Variants in ADCY9 observed in about 807,000 individuals in gnomAD.
ADCY9 encodes the protein adenylate cyclase type 9.
Under a neutral mutation model 101.5 loss-of-function variants are expected in ADCY9, and 50 were observed. The observed-to-expected ratio is 0.49, with a 90% CI of 0.39 to 0.62. The LOEUF (loss-of-function observed/expected upper bound fraction) is 0.62. ADCY9 is among the 20% of genes least tolerant of loss of function. The pLI is 0.00. For synonymous variants in ADCY9, 905 were observed against 769.3 expected (o/e 1.18, Z -2.92); for missense variants, 1,662 against 1,800.4 (o/e 0.92, Z 1.39).
At chr16:3,983,131 C>T (rs149563165) in intron 7 of ADCY9, 101 bp downstream of exon 7, 2 of 1,133,940 alleles carry the variant, frequency 1.8e-6, no homozygotes, top group Non-Finnish European at 2.4e-6. Flanking sequence ...CCAGCAGGGA[C>T]AGCTGGCTGG....
chr16:3,958,117 G>T (rs2055917554), downstream of ADCY9, among the ~76,000 whole-genome samples: 1 of 152,208 alleles, frequency 6.6e-6, no homozygotes, highest in African/African-American at 2.4e-5. Context: ...TCAAAGAGCA[G>T]CGGGGGCTCT....
At chr16:4,075,372 C>A (rs2056860505) in intron 2 of ADCY9, among the ~76,000 whole-genome samples, 1 of 152,210 alleles carries the variant, frequency 6.6e-6, no homozygotes, top group African/African-American at 2.4e-5. Context: ...CTCCTGACCT[C>A]TGGTGATCTG....
At chr16:4,051,402 T>C (rs972510779) in intron 2 of ADCY9, among the ~76,000 whole-genome samples, 34 of 151,812 alleles carry the variant, frequency 2.2e-4, no homozygotes, top group Non-Finnish European at 4.7e-4. Context: ...CGGGCGCCTG[T>C]AGTCCCAGCT....
At chr16:4,072,844 CAT>C (rs2056842917) in intron 2 of ADCY9, among the ~76,000 whole-genome samples, 1 of 151,844 alleles carries the variant, frequency 6.6e-6, no homozygotes, top group Non-Finnish European at 1.5e-5. Context: ...AATTGGGAAA[CAT>C]ATTACATTCA....
At chr16:4,001,686 C>T (rs9932121) in intron 3 of ADCY9, among the ~76,000 whole-genome samples, 1 of 151,858 alleles carries the variant, frequency 6.6e-6, no homozygotes, top group East Asian at 1.9e-4. Context: ...GTAGCTGGGA[C>T]TACAGGTGGA....
rs758419751 is a variant in ADCY9 at position 4,115,113 on chromosome 16, C to A, written c.330G>T (p.Pro110=). The A allele has an allele frequency of 4.3e-6, 7 of 1,613,822 alleles. No homozygotes were observed. The highest frequency in any genetic ancestry group is 5.1e-6 in the Non-Finnish European group (6 of 1,180,034). Residue 110 remains proline, a synonymous_variant, in exon 2 of 11, where the codon CCG becomes CCT. Transcript: ENST00000294016. The surrounding 1 kb of genome is among the most constrained non-coding windows in gnomAD (Gnocchi z 6.2). ...CATACCGGAACCGGCGCTGGGTCTG[C>A]GGGAAGCAGCGCTCCAGGCAGGCCT... ...LEEACLERCF[P]QTQRRFRYAL...
intron 2 of ADCY9, among the ~76,000 whole-genome samples, chr16:4,083,375 C>T (rs1027145686): frequency 6.6e-6 from 1 of 151,962 alleles, no homozygotes; most frequent in African/African-American, 2.4e-5. Context: ...TTTATGGAGA[C>T]GTGGGGAAAT....
downstream of ADCY9, among the ~76,000 whole-genome samples, chr16:3,958,869 T>C (rs987643306): frequency 6.7e-6 from 1 of 150,010 alleles, no homozygotes; most frequent in African/African-American, 2.4e-5. Flanking sequence ...AGAGACAGGG[T>C]TTCACCATGT....
At chr16:3,971,743 C>T (rs888950733) in intron 10 of ADCY9, among the ~76,000 whole-genome samples, 2 of 151,948 alleles carry the variant, frequency 1.3e-5, no homozygotes, top group Admixed American at 6.6e-5. Context: ...AAGAACAGTC[C>T]CCTTTAGGAG....
rs542817426 is a variant in ADCY9 at position 3,989,934 on chromosome 16, T to G, written c.2208-838A>C. On this transcript the variant is annotated intron_variant, in intron 5 of 10. Coordinates refer to ENST00000294016, the MANE Select transcript of ADCY9 (RefSeq NM_001116.4). ...ATAGTTAGCGTAATTTTGGTGCTATTGTCACATATGCAGATTGCATGTGAA... is the reference window on the plus strand; with the variant it reads ...ATAGTTAGCGTAATTTTGGTGCTATGGTCACATATGCAGATTGCATGTGAA... Among the ~76,000 whole-genome samples, 4 of 152,360 alleles carry G rather than the reference T, an allele frequency of 2.6e-5. No individual in the cohort carries two copies. In the East Asian group the frequency reaches 7.7e-4, roughly 29 times the overall value.
At chr16:4,090,426 C>T (rs933606495) in intron 2 of ADCY9, among the ~76,000 whole-genome samples, 1 of 152,082 alleles carries the variant, frequency 6.6e-6, no homozygotes, top group Non-Finnish European at 1.5e-5. Flanking sequence ...TAAAAATGAA[C>T]TATGAACTGA....
At chr16:4,006,495 G>A (rs1042453392) in intron 3 of ADCY9, among the ~76,000 whole-genome samples, 39 of 152,236 alleles carry the variant, frequency 2.6e-4, no homozygotes, top group African/African-American at 9.1e-4. Flanking sequence ...TACCAATAGC[G>A]GCTTTCAAAC....
At chr16:4,091,456 G>A (rs1186394014) in intron 2 of ADCY9, among the ~76,000 whole-genome samples, 1 of 152,140 alleles carries the variant, frequency 6.6e-6, no homozygotes, top group South Asian at 2.1e-4. Flanking sequence ...CCATGCCCAG[G>A]TATGTGCCCC....
chr16:4,070,536 C>T (rs1333953157), intron 2 of ADCY9, among the ~76,000 whole-genome samples: 1 of 152,166 alleles, frequency 6.6e-6, no homozygotes, highest in Non-Finnish European at 1.5e-5. Flanking sequence ...TTAAAACTGG[C>T]TGGGCCTGGT....
chr16:3,977,972 C>T (rs945282065), intron 8 of ADCY9, among the ~76,000 whole-genome samples: 7 of 152,198 alleles, frequency 4.6e-5, no homozygotes, highest in Admixed American at 4.6e-4. Flanking sequence ...CTGCCTCGGC[C>T]TCTCAAAGTG....
At position 3,993,582 on chromosome 16, in the gene ADCY9, G is replaced by A. The variant is rs138855250; in HGVS notation, c.1885-72C>T. On this transcript the variant is annotated intron_variant, in intron 3 of 10. Transcript: ENST00000294016. Reference sequence around the variant, plus strand: ...TGCCACCCTGAATTCAGGCAGGTCCGCTGTTGCCATCTGCCGTCACGCAGC... The same window carrying A: ...TGCCACCCTGAATTCAGGCAGGTCCACTGTTGCCATCTGCCGTCACGCAGC... 4.8e-3 allele frequency: 7,587 copies of A among 1,570,386 alleles called. 28 individuals are homozygous for A. The highest frequency in any genetic ancestry group is 5.8e-3 in the Non-Finnish European group (6,639 of 1,145,290).
downstream of ADCY9, among the ~76,000 whole-genome samples, chr16:3,958,759 C>T (rs1013249951): frequency 8.1e-5 from 12 of 147,628 alleles, no homozygotes; most frequent in African/African-American, 2.5e-4. Flanking sequence ...GCAACCTCTG[C>T]CTCCTGGGTT....
In ADCY9 at chr16:3,965,834, C is replaced by T. The variant is rs374081146; in HGVS notation, c.4003G>A (p.Glu1335Lys). Reference sequence around the variant, plus strand: ...TCGTTGGCTTCTTCTATTCCTGTTTCGTCACAGTCGTCTTTCTCTATGGCT... The same window carrying T: ...TCGTTGGCTTCTTCTATTCCTGTTTTGTCACAGTCGTCTTTCTCTATGGCT... ...GKAIEKDDCD[E>K]TGIEEANELT... Residue 1335 changes from glutamate (E) to lysine (K), a missense_variant, in exon 11 of 11, where the codon GAA (glutamate) becomes AAA (lysine). Physicochemically the swap from Glu to Lys is moderately conservative, Grantham distance 56. This residue lies in a region of ADCY9 where 168 missense variants were observed against 155.3 expected (regional missense o/e 1.08). Transcript: ENST00000294016. 4.3e-6 allele frequency: 7 copies of T among 1,614,048 alleles called. No homozygotes were observed. Among genetic ancestry groups the T allele is most frequent in the African/African-American group, 4.0e-5 (3 of 74,932 alleles).
chr16:4,110,233 G>A (rs995607144), intron 2 of ADCY9, among the ~76,000 whole-genome samples: 1 of 152,238 alleles, frequency 6.6e-6, no homozygotes, highest in Admixed American at 6.5e-5. Context: ...TAATTCAAGG[G>A]TGAGCCGGTG....
Sources: gnomAD v4.1 joint callset for allele counts (sites outside exome capture counted in the v4.1 genomes callset) on GRCh38, gnomAD v4.1.1 for gene constraint, gnomAD v4.1.1 regional missense constraint, Gnocchi (gnomAD v3.1) non-coding constraint, MANE v1.5 for transcripts, NCBI Gene and HGNC (gene_info 2026-07-23, HGNC 2026-07-21) for gene names.